EDN1: variants seen among roughly 807,000 people sequenced by gnomAD.
The protein encoded by EDN1 is endothelin-1.
A neutral mutation model predicts 21.7 loss-of-function variants in EDN1; 11 were observed. The ratio of observed to expected loss-of-function variants is 0.51; its 90% CI spans 0.32 to 0.84. The LOEUF is 0.84. Among genes scored for constraint, EDN1 ranks in the 40% least tolerant of loss-of-function variants. EDN1 has a pLI of 0.03. For missense variants in EDN1, 244 were observed against 262.3 expected, an observed-to-expected ratio of 0.93 and a Z score of 0.48; for synonymous variants, 85 against 90.6, an observed-to-expected ratio of 0.94 and a Z score of 0.35.
At chr6:12,269,936 G>A in the EDN1 span, among the ~76,000 whole-genome samples, 3 of 151,934 alleles carry the variant, frequency 2.0e-5, no homozygotes, top group African/African-American at 4.8e-5. Flanking sequence ...CACTTGGTCC[G>A]GGGCTTTTCT....
the EDN1 span, among the ~76,000 whole-genome samples, chr6:12,238,228 C>T: frequency 6.6e-6 from 1 of 151,136 alleles, no homozygotes. Flanking sequence ...AATTTAAGTC[C>T]GTGCTTCTAT....
At chr6:12,233,131 T>C in the EDN1 span, among the ~76,000 whole-genome samples, 1 of 152,238 alleles carries the variant, frequency 6.6e-6, no homozygotes, top group African/African-American at 2.4e-5. Context: ...ACAAAAGCCT[T>C]TCAGTTGCCT....
the EDN1 span, among the ~76,000 whole-genome samples, chr6:12,284,525 G>C: frequency 1.3e-5 from 2 of 148,920 alleles, no homozygotes; most frequent in Admixed American, 1.3e-4. Context: ...AGGAAGGAAG[G>C]AAAGAAGGAA....
the EDN1 span, among the ~76,000 whole-genome samples, chr6:12,276,055 G>A: frequency 1.3e-5 from 2 of 150,984 alleles, no homozygotes; most frequent in South Asian, 2.1e-4. Flanking sequence ...CCAGCTACTC[G>A]GGAGGCTGAG....
intron 4 of EDN1, among the ~76,000 whole-genome samples, 169 bp from the exon 5 acceptor site, chr6:12,295,793 A>G (rs1581889252): frequency 1.3e-5 from 2 of 152,178 alleles, no homozygotes; most frequent in East Asian, 3.8e-4. Context: ...TTATTTTTAC[A>G]ATGGTAATAG....
At chr6:12,233,069 G>T in the EDN1 span, among the ~76,000 whole-genome samples, 1 of 152,196 alleles carries the variant, frequency 6.6e-6, no homozygotes, top group South Asian at 2.1e-4. Flanking sequence ...AAACCCAGCA[G>T]ATTTAAGTTT....
chr6:12,252,479 T>A, the EDN1 span, among the ~76,000 whole-genome samples: 1 of 152,198 alleles, frequency 6.6e-6, no homozygotes, highest in Non-Finnish European at 1.5e-5. Context: ...AATTGAGCAT[T>A]ATGAAGTAGG....
At position 12,294,335 on chromosome 6, in the gene EDN1, G is replaced by A. The variant is rs768294608; in HGVS notation, c.464G>A (p.Cys155Tyr). ...GKDCSKLGKK[C>Y]IYQQLVRGRK... Reference sequence around the variant, plus strand: ...GACTGTTCCAAGCTTGGGAAAAAGTGTATTTATCAGCAGTTAGTGAGAGGA... The same window carrying A: ...GACTGTTCCAAGCTTGGGAAAAAGTATATTTATCAGCAGTTAGTGAGAGGA... The change falls in exon 4 of 5, where the codon TGT becomes TAT. Residue 155 changes from cysteine to tyrosine, a missense_variant. Transcript: ENST00000379375. 7.7e-5 allele frequency: 125 copies of A among 1,614,074 alleles called. No homozygotes were observed. Among genetic ancestry groups the A allele is most frequent in the Middle Eastern group, 1.6e-4 (1 of 6,084 alleles).
At chr6:12,237,566 C>T in the EDN1 span, among the ~76,000 whole-genome samples, 1 of 152,142 alleles carries the variant, frequency 6.6e-6, no homozygotes, top group Non-Finnish European at 1.5e-5. Flanking sequence ...TGACTTTGCT[C>T]TGGAATGAGA....
chr6:12,239,026 T>G, the EDN1 span, among the ~76,000 whole-genome samples: 4 of 152,212 alleles, frequency 2.6e-5, no homozygotes, highest in Non-Finnish European at 5.9e-5. Context: ...ACTTCTTCAG[T>G]ATAAATTAGG....
chr6:12,271,982 C>G, the EDN1 span, among the ~76,000 whole-genome samples: 46 of 152,000 alleles, frequency 3.0e-4, no homozygotes, highest in Non-Finnish European at 5.6e-4. Flanking sequence ...CAAAAAGCCC[C>G]CAAATCCAAA....
the EDN1 span, among the ~76,000 whole-genome samples, chr6:12,242,524 A>G: frequency 1.3e-5 from 2 of 152,196 alleles, no homozygotes; most frequent in Non-Finnish European, 2.9e-5. Context: ...ATATGGACCT[A>G]CCTTATAAGG....
At chr6:12,280,028 A>G in the EDN1 span, among the ~76,000 whole-genome samples, 1 of 152,330 alleles carries the variant, frequency 6.6e-6, no homozygotes, top group East Asian at 1.9e-4. Context: ...GAGAAGTTTT[A>G]TTAGAGTTGC....
At chr6:12,245,036 C>T in the EDN1 span, among the ~76,000 whole-genome samples, 1 of 152,158 alleles carries the variant, frequency 6.6e-6, no homozygotes, top group Non-Finnish European at 1.5e-5. Flanking sequence ...TTATCAATAT[C>T]ACCCATAATT....
At chr6:12,264,764 T>C in the EDN1 span, among the ~76,000 whole-genome samples, 1 of 152,186 alleles carries the variant, frequency 6.6e-6, no homozygotes, top group African/African-American at 2.4e-5. Flanking sequence ...GGCATGAAGA[T>C]ATTCTCAGAG....
At chr6:12,246,708 T>G in the EDN1 span, among the ~76,000 whole-genome samples, 4 of 42,672 alleles carry the variant, frequency 9.4e-5, no homozygotes, top group Non-Finnish European at 1.9e-4. Flanking sequence ...AGTTTAGACT[T>G]GTGAGCCTTT....
At chr6:12,273,914 C>T in the EDN1 span, among the ~76,000 whole-genome samples, 1,319 of 152,292 alleles carry the variant, frequency 8.7e-3, 12 homozygotes, top group Non-Finnish European at 0.014. Context: ...TACAATAAAA[C>T]AGCAGTCTCT....
the EDN1 span, among the ~76,000 whole-genome samples, chr6:12,268,695 C>T: frequency 6.6e-6 from 1 of 152,044 alleles, no homozygotes; most frequent in Non-Finnish European, 1.5e-5. Context: ...TATGCCAGTA[C>T]CATGCTGTTT....
chr6:12,272,596 T>C, the EDN1 span, among the ~76,000 whole-genome samples: 1 of 151,612 alleles, frequency 6.6e-6, no homozygotes, highest in Non-Finnish European at 1.5e-5. Context: ...TAGCTGGGAT[T>C]GCAGGCATGC....
Sources: allele counts gnomAD v4.1 joint callset (sites outside exome capture counted in the v4.1 genomes callset), GRCh38; gene constraint gnomAD v4.1.1; transcripts MANE v1.5; gene names NCBI Gene and HGNC (gene_info 2026-07-23, HGNC 2026-07-21).